SLC25A26: variants seen among roughly 807,000 people sequenced by gnomAD.
SLC25A26 encodes mitochondrial S-adenosylmethionine carrier protein.
Under a neutral mutation model 37.8 loss-of-function variants are expected in SLC25A26, and 36 were observed. The observed-to-expected ratio is 0.95, with a 90% CI of 0.73 to 1.26. SLC25A26 has a LOEUF of 1.26. SLC25A26 is among the 50% of genes most tolerant of loss of function. The probability of loss-of-function intolerance (pLI) is 0.00; values close to 1 mark genes in which losing one functional copy is unlikely to be tolerated. For missense variants in SLC25A26, 390 were observed against 331.1 expected, an observed-to-expected ratio of 1.18 and a Z score of -1.38; for synonymous variants, 129 against 122.5, an observed-to-expected ratio of 1.05 and a Z score of -0.35.
intron 5 of SLC25A26, among the ~76,000 whole-genome samples, chr3:66,280,306 A>T (rs1211349166): frequency 1.3e-5 from 2 of 152,150 alleles, no homozygotes; most frequent in Non-Finnish European, 2.9e-5. Context: ...GGTACTTTTC[A>T]TATATATTTT....
intron 1 of SLC25A26, among the ~76,000 whole-genome samples, chr3:66,230,805 C>CAG (rs2071982639): frequency 1.9e-5 from 1 of 53,924 alleles, no homozygotes; most frequent in Non-Finnish European, 2.9e-5. Flanking sequence ...AACTCTGTCT[C>CAG]AAAAAAAAAA....
intron 5 of SLC25A26, among the ~76,000 whole-genome samples, chr3:66,280,030 C>A (rs938436388): frequency 1.3e-5 from 2 of 152,170 alleles, no homozygotes; most frequent in South Asian, 2.1e-4. Flanking sequence ...TAACAAAGAT[C>A]TTGTGATAAT....
chr3:66,194,963 C>T (rs2071019678), intron 1 of SLC25A26, among the ~76,000 whole-genome samples: 1 of 152,206 alleles, frequency 6.6e-6, no homozygotes, highest in African/African-American at 2.4e-5. Context: ...CCCACCCAGC[C>T]ACTCACCCAC....
chr3:66,311,878 G>A (rs1386059327), intron 5 of SLC25A26, among the ~76,000 whole-genome samples: 1 of 152,086 alleles, frequency 6.6e-6, no homozygotes, highest in South Asian at 2.1e-4. Flanking sequence ...TGTCCCAGAG[G>A]GGCACATACC....
intron 1 of SLC25A26, among the ~76,000 whole-genome samples, chr3:66,136,746 G>A (rs1023296130): frequency 8.5e-5 from 13 of 152,160 alleles, no homozygotes; most frequent in African/African-American, 3.1e-4. Flanking sequence ...TGTTTTCAAA[G>A]CCTCCATGTC....
rs1049608189 is a variant in SLC25A26 at position 66,236,694 on chromosome 3, C to T, written c.184C>T (p.Pro62Ser). 2 of 1,508,438 alleles carry T rather than the reference C, an allele frequency of 1.3e-6. No individual in the cohort carries two copies. The highest frequency in any genetic ancestry group is 1.8e-6 in the Non-Finnish European group (2 of 1,126,812). The allele number at this position is 1,508,438 out of a possible 1,614,324, so 93.4% of individuals were successfully genotyped here. The part of the protein sequence containing the change: ...GVPSAAIGSF[P>S]NAAAFFITYE... Reference sequence around the variant, plus strand: ...TCCTTCTGCTGCTATTGGATCCTTTCCTAATGGTAAAAAATTATATTCTCA... The same window carrying T: ...TCCTTCTGCTGCTATTGGATCCTTTTCTAATGGTAAAAAATTATATTCTCA... The change falls in exon 2 of 10, where the codon CCT becomes TCT. Residue 62 changes from proline (P) to serine (S), a missense_variant. Pro to Ser is a moderately conservative substitution (Grantham distance 74). Coordinates refer to ENST00000354883, the MANE Select transcript of SLC25A26 (RefSeq NM_001379210.1).
chr3:66,246,714 G>T (rs1171024465), intron 3 of SLC25A26, among the ~76,000 whole-genome samples: 1 of 152,080 alleles, frequency 6.6e-6, no homozygotes, highest in Admixed American at 6.5e-5. Flanking sequence ...AGCTGGTAAG[G>T]CCAATTATCA....
At chr3:66,147,164 T>TTTTCTTA (rs2106681671) in intron 1 of SLC25A26, among the ~76,000 whole-genome samples, 1 of 139,348 alleles carries the variant, frequency 7.2e-6, no homozygotes, top group South Asian at 2.5e-4. Context: ...TTCTTTTCTT[T>TTTTCTTA]TCTCTTTTCT....
chr3:66,359,520 A>T (rs1010671244), intron 6 of SLC25A26, among the ~76,000 whole-genome samples: 3 of 152,202 alleles, frequency 2.0e-5, no homozygotes, highest in Admixed American at 6.5e-5. Context: ...GGAACATTTA[A>T]AGATATAAGT....
intron 5 of SLC25A26, among the ~76,000 whole-genome samples, chr3:66,312,965 CTGTTTGTT>C (rs758323579): frequency 6.6e-6 from 1 of 151,978 alleles, no homozygotes; most frequent in Non-Finnish European, 1.5e-5. Context: ...CCAGATCCCC[CTGTTTGTT>C]TGTTTGTTTG....
At chr3:66,336,133 A>G (rs200484488) in intron 5 of SLC25A26, among the ~76,000 whole-genome samples, 1 of 152,166 alleles carries the variant, frequency 6.6e-6, no homozygotes. Flanking sequence ...TTAAAATGTT[A>G]TTTTTTAGAA....
intron 5 of SLC25A26, among the ~76,000 whole-genome samples, chr3:66,308,024 C>G (rs1402125756): frequency 6.6e-6 from 1 of 152,052 alleles, no homozygotes; most frequent in African/African-American, 2.4e-5. Flanking sequence ...TAGTTTTTTT[C>G]TAATTCTGTG....
intron 1 of SLC25A26, among the ~76,000 whole-genome samples, chr3:66,179,954 C>T (rs1415469673): frequency 6.6e-6 from 1 of 152,146 alleles, no homozygotes; most frequent in African/African-American, 2.4e-5. Flanking sequence ...CTCACAAGTT[C>T]TGAAGTCTGA....
At chr3:66,275,683 A>G (rs1270206907) in intron 5 of SLC25A26, among the ~76,000 whole-genome samples, 1 of 152,134 alleles carries the variant, frequency 6.6e-6, no homozygotes, top group East Asian at 1.9e-4. Context: ...GTTTTCTGCC[A>G]GATAAACTGT....
At chr3:66,181,242 C>T (rs1225499033) in intron 1 of SLC25A26, among the ~76,000 whole-genome samples, 1 of 152,194 alleles carries the variant, frequency 6.6e-6, no homozygotes, top group Non-Finnish European at 1.5e-5. Context: ...TAAGGCCTAG[C>T]AGGTAGTGGA....
intron 5 of SLC25A26, among the ~76,000 whole-genome samples, chr3:66,331,620 A>G (rs2075976114): frequency 6.6e-6 from 1 of 152,052 alleles, no homozygotes; most frequent in African/African-American, 2.4e-5. Context: ...GCAGTTTGTT[A>G]TATCTGGTTT....
chr3:66,326,170 G>A (rs954651167), intron 5 of SLC25A26, among the ~76,000 whole-genome samples: 2 of 152,172 alleles, frequency 1.3e-5, no homozygotes, highest in Admixed American at 6.5e-5. Flanking sequence ...GGCTTTGGGG[G>A]TTGGGGCTTC....
intron 1 of SLC25A26, among the ~76,000 whole-genome samples, chr3:66,145,424 G>C (rs781256674): frequency 3.3e-5 from 5 of 152,204 alleles, no homozygotes; most frequent in Non-Finnish European, 7.3e-5. Context: ...ATTTGTGGAA[G>C]TACCAACTGG....
intron 1 of SLC25A26, among the ~76,000 whole-genome samples, chr3:66,200,334 G>A (rs879234780): frequency 0.19 from 28,537 of 152,138 alleles, 3,074 homozygotes; most frequent in Admixed American, 0.34. Context: ...GGCAGGTGCC[G>A]GGTGGGGTAA....
Sources: allele counts gnomAD v4.1 joint callset (sites outside exome capture counted in the v4.1 genomes callset), GRCh38; gene constraint gnomAD v4.1.1; transcripts MANE v1.5; gene names NCBI Gene and HGNC (gene_info 2026-07-23, HGNC 2026-07-21).